Variants in MCF2 observed in about 807,000 individuals in gnomAD.
The protein encoded by MCF2 is MCF.2 cell line derived transforming sequence, also known as proto-oncogene DBL.
Under a neutral mutation model 82.5 loss-of-function variants are expected in MCF2, and 44 were observed. The observed-to-expected ratio is 0.53, with a 90% confidence interval of 0.42 to 0.69. The LOEUF (loss-of-function observed/expected upper bound fraction) is 0.69, where lower values mean the gene tolerates loss of function less well. Among genes scored for constraint, MCF2 ranks in the 30% least tolerant of loss-of-function variants. MCF2 has a pLI of 0.00. For missense variants in MCF2, 623 were observed against 663.1 expected (o/e 0.94, Z 0.66); for synonymous variants, 217 against 224.9 (o/e 0.96, Z 0.32).
chrX:139,705,162 A>C (rs1935567064), intron 1 of MCF2, among the ~76,000 whole-genome samples: 1 of 111,116 alleles, frequency 9.0e-6, no homozygotes, highest in African/African-American at 3.3e-5. Context: ...AACATACACA[A>C]ATCAGCCAGG....
Position 139,663,998 on chromosome X carries a change from G to T in MCF2, c.-44-12210C>A, listed in dbSNP as rs187160646. Among the ~76,000 whole-genome samples the T allele has an allele frequency of 8.1e-3, 882 of 109,398 alleles. 7 individuals carry two copies. Among genetic ancestry groups the T allele is most frequent in the African/African-American group, 0.027 (805 of 30,059 alleles). 95.0% of individuals were successfully genotyped at this position (109,398 alleles called of 115,157 possible). A position where few individuals can be genotyped will look rare whatever the true frequency, so the allele number is the denominator to read the frequency against. On this transcript the variant is annotated intron_variant, in intron 1 of 27. Coordinates refer to the MCF2 transcript ENST00000414978. ...TTTGGGGTGGCTTTTTTTTGTTTGT[G>T]TTTTGTTTTTTGTTTTTGTTTTTTG...
intron 24 of MCF2, among the ~76,000 whole-genome samples, chrX:139,584,326 G>C (rs753567464): frequency 9.3e-4 from 102 of 109,647 alleles, no homozygotes; most frequent in African/African-American, 3.2e-3. Context: ...GTAGAGACGA[G>C]GTTTACCCTC....
rs17342386 is a variant in MCF2 at position 139,682,789 on chromosome X, G to A, written c.-45+25317C>T. On this transcript the variant is annotated intron_variant, in intron 1 of 27. Transcript: ENST00000414978. Reference sequence around the variant, plus strand: ...AATGCTGAATCACAAACACAAAGGCGACTGAGTTAGTGATGATGTTGTTGT... The same window carrying A: ...AATGCTGAATCACAAACACAAAGGCAACTGAGTTAGTGATGATGTTGTTGT... 9.7e-4 allele frequency among the ~76,000 whole-genome samples: 109 copies of A among 112,338 alleles called. No homozygotes were observed. The East Asian group carries it at 0.022, about 23-fold the overall frequency.
At position 139,602,442 on chromosome X, in the gene MCF2, T is replaced by C. The variant is rs778988458; in HGVS notation, c.1800A>G (p.Thr600=). Residue 600 remains threonine (T), a synonymous_variant, in exon 16 of 25, where the codon ACA becomes ACG. Coordinates refer to ENST00000370576, the Ensembl canonical transcript of MCF2. ...CGCATTCTGAATACTTCCTCCAAAT[T>C]GTTTCTGATCTGGGCTTATTCTGAC... 21 of 1,204,277 alleles carry C rather than the reference T, an allele frequency of 1.7e-5. No individual in the cohort carries two copies. In the South Asian group the frequency reaches 3.6e-4, roughly 21 times the overall value.
At chrX:139,626,923 C>G (rs1009226310) in intron 4 of MCF2, among the ~76,000 whole-genome samples, 167 bp from the exon 8 acceptor site, 1 of 111,564 alleles carries the variant, frequency 9.0e-6, no homozygotes, top group Non-Finnish European at 1.9e-5. Context: ...AATCTCAGTG[C>G]CACAAAATCT....
intron 2 of MCF2, among the ~76,000 whole-genome samples, chrX:139,650,078 G>A (rs1933942291): frequency 9.0e-6 from 1 of 111,323 alleles, no homozygotes; most frequent in Non-Finnish European, 1.9e-5. Flanking sequence ...GGCCAGGCTG[G>A]GTGCGACGGC....
chrX:139,639,381 T>C (rs1032385324), intron 1 of MCF2, among the ~76,000 whole-genome samples: 1 of 111,751 alleles, frequency 8.9e-6, no homozygotes, highest in Non-Finnish European at 1.9e-5. Flanking sequence ...AGTTCCAGCA[T>C]GTGACTGCTT....
intron 19 of MCF2, among the ~76,000 whole-genome samples, chrX:139,593,274 T>C (rs1929684200): frequency 2.7e-5 from 3 of 111,379 alleles, no homozygotes; most frequent in African/African-American, 9.8e-5. Context: ...TTGATTCTTC[T>C]CTCTTTTCTT....
intron 23 of MCF2, among the ~76,000 whole-genome samples, chrX:139,585,897 G>C (rs760064333): frequency 4.5e-5 from 5 of 111,962 alleles, no homozygotes; most frequent in Non-Finnish European, 9.4e-5. Context: ...ATTCACAGAG[G>C]AAGAATAAAT....
At chrX:139,684,179 G>A (rs1340757106) in intron 1 of MCF2, among the ~76,000 whole-genome samples, 1 of 112,246 alleles carries the variant, frequency 8.9e-6, no homozygotes, top group Non-Finnish European at 1.9e-5. Context: ...AATCCATGTA[G>A]ACATTTATCC....
chrX:139,691,886 C>G (rs908132290), intron 1 of MCF2: 39 of 1,141,304 alleles, frequency 3.4e-5, no homozygotes, highest in Non-Finnish European at 4.5e-5. Flanking sequence ...CCGAGGCCGC[C>G]GGGGAGGAGA....
chrX:139,593,450 C>T (rs946987676), intron 19 of MCF2, among the ~76,000 whole-genome samples: 1 of 110,834 alleles, frequency 9.0e-6, no homozygotes, highest in Non-Finnish European at 1.9e-5. Context: ...CGAATTCTAC[C>T]AGAGGTACAA....
chrX:139,651,760 G>A, exon 2 of MCF2: 1 of 1,161,007 alleles, frequency 8.6e-7, no homozygotes, highest in Non-Finnish European at 1.2e-6. Flanking sequence ...AATGACTGAT[G>A]TCCTTTATAC....
chrX:139,641,015 T>C (rs1348103323), intron 1 of MCF2, among the ~76,000 whole-genome samples: 1 of 110,352 alleles, frequency 9.1e-6, no homozygotes, highest in Non-Finnish European at 1.9e-5. Context: ...GAGAGTTCCT[T>C]CAGCCCAGTA....
intron 12 of MCF2, among the ~76,000 whole-genome samples, chrX:139,606,219 T>A (rs1052847171): frequency 9.1e-6 from 1 of 109,618 alleles, no homozygotes; most frequent in Non-Finnish European, 1.9e-5. Flanking sequence ...ATACCCTTTT[T>A]TTCCCTAAAA....
chrX:139,691,766 G>T (rs968805578), intron 1 of MCF2: 85 of 467,954 alleles, frequency 1.8e-4, no homozygotes, highest in Non-Finnish European at 3.0e-4. Context: ...GAGGTGGGGG[G>T]GTTGTATAGA....
chrX:139,588,515 G>T, intron 20 of MCF2, 77 bp from the exon 25 acceptor site: 1 of 590,713 alleles, frequency 1.7e-6, no homozygotes, highest in Non-Finnish European at 2.8e-6. Flanking sequence ...TAAAACAAAT[G>T]TAATTGTGTA....
At chrX:139,585,229 A>G in intron 23 of MCF2, 51 bp from the exon 28 acceptor site, 1 of 763,716 alleles carries the variant, frequency 1.3e-6, no homozygotes, top group Non-Finnish European at 2.0e-6. Context: ...CTAATTTACC[A>G]CAAGGTGAGA....
intron 1 of MCF2, among the ~76,000 whole-genome samples, chrX:139,658,509 T>C (rs932630693): frequency 2.7e-5 from 3 of 110,629 alleles, no homozygotes; most frequent in African/African-American, 9.9e-5. Flanking sequence ...AAATATAAAA[T>C]AAAAATTTCC....
Sources: gnomAD v4.1 joint callset for allele counts (sites outside exome capture counted in the v4.1 genomes callset) on GRCh38, gnomAD v4.1.1 for gene constraint, MANE v1.5 for transcripts, NCBI Gene and HGNC (gene_info 2026-07-23, HGNC 2026-07-21) for gene names.